Variants in FAM110B observed in about 807,000 individuals in gnomAD.
FAM110B encodes the protein family with sequence similarity 110 member B, also known as protein FAM110B.
A neutral mutation model predicts 20.4 loss-of-function variants in FAM110B; 6 were observed. The ratio of observed to expected loss-of-function variants is 0.29; its 90% CI spans 0.16 to 0.58. The LOEUF (loss-of-function observed/expected upper bound fraction) is 0.58. Ranked by LOEUF, FAM110B falls within the 20% of genes least tolerant of loss-of-function variation. The pLI is 0.90. For synonymous variants in FAM110B, 226 were observed against 214.1 expected (o/e 1.06, Z -0.49); for missense variants, 434 against 498.2 (o/e 0.87, Z 1.23).
intron 3 of FAM110B, among the ~76,000 whole-genome samples, chr8:58,121,408 G>C (rs1807358353): frequency 6.6e-6 from 1 of 152,190 alleles, no homozygotes; most frequent in African/African-American, 2.4e-5. Context: ...ATATGAGAAT[G>C]CTTCATTTAG....
chr8:58,066,221 G>C (rs1303860527), intron 2 of FAM110B, among the ~76,000 whole-genome samples: 2 of 152,210 alleles, frequency 1.3e-5, no homozygotes, highest in Non-Finnish European at 2.9e-5. Context: ...GCCCTGCAGA[G>C]AAGACTCGTG....
intron 1 of FAM110B, among the ~76,000 whole-genome samples, chr8:58,010,283 C>CA: frequency 6.6e-6 from 1 of 151,762 alleles, no homozygotes; most frequent in Non-Finnish European, 1.5e-5. Flanking sequence ...TGGCCTCCCA[C>CA]AGTGCTGGGA....
chr8:58,046,857 T>A (rs1746586351), intron 2 of FAM110B, among the ~76,000 whole-genome samples: 1 of 152,240 alleles, frequency 6.6e-6, no homozygotes, highest in African/African-American at 2.4e-5. Flanking sequence ...CTGTAGTGAC[T>A]ATAGTGCAGT....
At chr8:58,115,370 G>A (rs1350653539) in intron 3 of FAM110B, among the ~76,000 whole-genome samples, 1 of 151,308 alleles carries the variant, frequency 6.6e-6, no homozygotes, top group Non-Finnish European at 1.5e-5. Flanking sequence ...CAAAAGCGGA[G>A]CCTGAATCAT....
intron 2 of FAM110B, among the ~76,000 whole-genome samples, chr8:58,032,973 G>A (rs1804998164): frequency 6.6e-6 from 1 of 152,158 alleles, no homozygotes; most frequent in Admixed American, 6.5e-5. Context: ...AGTATATTGT[G>A]TGATGCTGAG....
chr8:58,005,380 T>G (rs1804380268), intron 1 of FAM110B, among the ~76,000 whole-genome samples: 1 of 152,182 alleles, frequency 6.6e-6, no homozygotes. Context: ...TGATCACACA[T>G]CACCTTAACA....
At chr8:58,078,322 C>T (rs1481871937) in intron 3 of FAM110B, among the ~76,000 whole-genome samples, 7 of 152,176 alleles carry the variant, frequency 4.6e-5, no homozygotes, top group Admixed American at 4.6e-4. Context: ...TTTGTTCATC[C>T]TAGAATATGA....
At chr8:58,068,043 A>C (rs1018593467) in intron 2 of FAM110B, among the ~76,000 whole-genome samples, 6 of 152,212 alleles carry the variant, frequency 3.9e-5, no homozygotes, top group Non-Finnish European at 8.8e-5. Flanking sequence ...CAAATTAATT[A>C]AACAGCTTTT....
At chr8:58,023,036 G>C (rs1360777015) in intron 1 of FAM110B, among the ~76,000 whole-genome samples, 1 of 152,160 alleles carries the variant, frequency 6.6e-6, no homozygotes, top group Non-Finnish European at 1.5e-5. Context: ...AAAATTTAAA[G>C]AGAGATAAAC....
intron 3 of FAM110B, among the ~76,000 whole-genome samples, chr8:58,089,168 G>A (rs1806411259): frequency 6.6e-6 from 1 of 152,214 alleles, no homozygotes; most frequent in Non-Finnish European, 1.5e-5. Flanking sequence ...GTGAACTTTA[G>A]TGTATATGGA....
chr8:58,073,594 A>G lies in FAM110B; in HGVS notation c.-413-1941A>G, dbSNP rs575437759. ...ATAGATTTACATCATATGGGAATTG[A>G]AGTTTTCTTTAACGTATCCAGAATT... On this transcript the variant is annotated intron_variant, in intron 2 of 3. Transcript: ENST00000519262. Among the ~76,000 whole-genome samples, 6 of 152,326 alleles carry G rather than the reference A, an allele frequency of 3.9e-5. No individual in the cohort carries two copies. In the South Asian group the frequency reaches 1.2e-3, roughly 32 times the overall value.
At chr8:58,116,169 C>CA in intron 3 of FAM110B, among the ~76,000 whole-genome samples, 1 of 152,354 alleles carries the variant, frequency 6.6e-6, no homozygotes, top group Middle Eastern at 3.4e-3. Flanking sequence ...AACCAGCTTT[C>CA]ACCACTGCCA....
chr8:58,097,908 T>C (rs891560671), intron 3 of FAM110B, among the ~76,000 whole-genome samples: 1 of 152,222 alleles, frequency 6.6e-6, no homozygotes, highest in African/African-American at 2.4e-5. Context: ...CAGCAAAGAT[T>C]GCTGCCTGTT....
intron 2 of FAM110B, among the ~76,000 whole-genome samples, chr8:58,054,257 G>A (rs1805510128): frequency 2.0e-5 from 3 of 152,118 alleles, no homozygotes. Context: ...TGAGGGGAGT[G>A]GAGGCATGAA....
chr8:58,047,038 G>A (rs1386040581), intron 2 of FAM110B, among the ~76,000 whole-genome samples: 1 of 152,206 alleles, frequency 6.6e-6, no homozygotes, highest in Non-Finnish European at 1.5e-5. Context: ...AGCAAAGAAA[G>A]TTGGATAGAA....
chr8:58,045,324 A>G (rs1343366431), intron 2 of FAM110B, among the ~76,000 whole-genome samples: 1 of 152,132 alleles, frequency 6.6e-6, no homozygotes, highest in Non-Finnish European at 1.5e-5. Flanking sequence ...TAGTAAGTTC[A>G]GTGTTAATAG....
intron 2 of FAM110B, among the ~76,000 whole-genome samples, chr8:58,037,590 T>C (rs1299477433): frequency 1.3e-5 from 2 of 152,072 alleles, no homozygotes; most frequent in Non-Finnish European, 2.9e-5. Context: ...AGTGAGCTGA[T>C]AGTGCCACTG....
chr8:58,023,104 T>G (rs1804788334), intron 1 of FAM110B, among the ~76,000 whole-genome samples: 1 of 152,216 alleles, frequency 6.6e-6, no homozygotes, highest in African/African-American at 2.4e-5. Flanking sequence ...ATAATCATAG[T>G]GGAAAACAAA....
At chr8:57,997,484 A>G (rs1456614943) in intron 1 of FAM110B, among the ~76,000 whole-genome samples, 3 of 152,184 alleles carry the variant, frequency 2.0e-5, no homozygotes, top group African/African-American at 7.2e-5. Flanking sequence ...GAGCCTAGAG[A>G]TCTCCAACTA....
Sources: allele counts gnomAD v4.1 joint callset (sites outside exome capture counted in the v4.1 genomes callset), GRCh38; gene constraint gnomAD v4.1.1; transcripts MANE v1.5; gene names NCBI Gene and HGNC (gene_info 2026-07-23, HGNC 2026-07-21).